P4HA3: variants seen among roughly 807,000 people sequenced by gnomAD.
P4HA3 encodes the protein prolyl 4-hydroxylase subunit alpha 3.
Under a neutral mutation model 66.7 loss-of-function variants are expected in P4HA3, and 60 were observed. The ratio of observed to expected loss-of-function variants is 0.90; its 90% CI spans 0.73 to 1.12. The LOEUF (loss-of-function observed/expected upper bound fraction) is 1.12. P4HA3 is among the 50% of genes most tolerant of loss of function. P4HA3 has a pLI of 0.00. For synonymous variants in P4HA3, 263 were observed against 274.6 expected (o/e 0.96, Z 0.42); for missense variants, 683 against 685.8 (o/e 1.00, Z 0.05).
In P4HA3 at chr11:74,267,265, A is replaced by T; in HGVS notation, c.1618T>A (p.Ser540Thr). 1 of 1,614,206 alleles carries T rather than the reference A, an allele frequency of 6.2e-7. No individual in the cohort carries two copies. Among genetic ancestry groups the T allele is most frequent in the South Asian group, 1.1e-5 (1 of 91,088 alleles). Residue 540 changes from serine to threonine, a missense_variant, in exon 13 of 13, where the codon TCC becomes ACC. Coordinates refer to ENST00000331597, the MANE Select transcript of P4HA3 (RefSeq NM_182904.5). ...CCAACAGTTCAGTCTTCAGGGCTGG[A>T]GCTGCAGGGTCTGCGGAATTCCTGT... ...YGQEFRRPCS[S>T]SPED
At chr11:74,306,195 G>C (rs977954914) in intron 1 of P4HA3, among the ~76,000 whole-genome samples, 2 of 152,144 alleles carry the variant, frequency 1.3e-5, no homozygotes, top group South Asian at 4.1e-4. Flanking sequence ...TAAGAGGTGG[G>C]ATCGTCCAGC....
At chr11:74,279,169 T>C (rs1355996203) in intron 8 of P4HA3, among the ~76,000 whole-genome samples, 2 of 152,202 alleles carry the variant, frequency 1.3e-5, no homozygotes, top group African/African-American at 4.8e-5. Context: ...CTCTTCCAAG[T>C]CTCTCTCGAA....
At chr11:74,262,490 G>C (rs1389064623), downstream of P4HA3, among the ~76,000 whole-genome samples, 2 of 152,212 alleles carry the variant, frequency 1.3e-5, no homozygotes, top group African/African-American at 4.8e-5. Flanking sequence ...AAAGAGGTTA[G>C]AAGCAGTTAG....
chr11:74,307,279 G>T (rs1861607885), intron 1 of P4HA3, among the ~76,000 whole-genome samples: 1 of 152,178 alleles, frequency 6.6e-6, no homozygotes. Flanking sequence ...TGAATAAACA[G>T]ATTCCTCATT....
chr11:74,252,463 T>C (rs1013635463), intron 15 of P4HA3: 5 of 456,090 alleles, frequency 1.1e-5, no homozygotes, highest in African/African-American at 8.0e-5. Context: ...AAGCTGGGAA[T>C]GGAATGGGTG....
intron 9 of P4HA3, 60 bp from the exon 10 acceptor site, chr11:74,273,667 G>A: frequency 7.4e-7 from 1 of 1,344,562 alleles, no homozygotes; most frequent in South Asian, 1.6e-5. Flanking sequence ...GGGACAGGCA[G>A]GATTCCACTA....
intron 4 of P4HA3, among the ~76,000 whole-genome samples, chr11:74,296,876 C>G (rs1861229699): frequency 6.6e-6 from 1 of 151,924 alleles, no homozygotes; most frequent in African/African-American, 2.4e-5. Flanking sequence ...CTTTAACACA[C>G]AGCAATTTAG....
intron 15 of P4HA3, among the ~76,000 whole-genome samples, chr11:74,257,780 G>A (rs376252295): frequency 5.9e-5 from 9 of 152,098 alleles, no homozygotes; most frequent in African/African-American, 2.2e-4. Context: ...CAGTAAAGAG[G>A]CAGTTGTAAT....
chr11:74,311,605 G>A lies in P4HA3; in HGVS notation c.7C>T (p.Pro3Ser). Residue 3 changes from proline to serine, a missense_variant, in exon 1 of 13, where the codon CCT (proline) becomes TCT (serine). Physicochemically the swap from Pro to Ser is moderately conservative, Grantham distance 74 (BLOSUM62 -1). Transcript: ENST00000331597. ...AGCAGCGCCGCCAGCCGCGCCCCAGGACCCATAGCCAGCGCTCGCGAACTT... is the reference window on the plus strand; with the variant it reads ...AGCAGCGCCGCCAGCCGCGCCCCAGAACCCATAGCCAGCGCTCGCGAACTT... MG[P>S]GARLAALLAV... 1 of 1,521,182 alleles carries A rather than the reference G, an allele frequency of 6.6e-7. No homozygotes were observed. Among genetic ancestry groups the A allele is most frequent in the Non-Finnish European group, 8.7e-7 (1 of 1,146,058 alleles). 94.2% of individuals were successfully genotyped at this position (1,521,182 alleles called of 1,614,324 possible).
intron 4 of P4HA3, among the ~76,000 whole-genome samples, chr11:74,294,261 C>T (rs1032906581): frequency 1.7e-4 from 25 of 151,450 alleles, no homozygotes; most frequent in Admixed American, 7.9e-4. Context: ...CTTCTGCATT[C>T]GTCACGTAGC....
chr11:74,250,206 G>A (rs1455764799), intron 15 of P4HA3: 2 of 152,132 alleles, frequency 1.3e-5, no homozygotes, highest in African/African-American at 4.8e-5. Flanking sequence ...AAAATCTGCT[G>A]TCTCTACTTA....
chr11:74,282,121 T>A (rs1860626249), intron 7 of P4HA3, among the ~76,000 whole-genome samples: 2 of 141,744 alleles, frequency 1.4e-5, no homozygotes, highest in South Asian at 2.3e-4. Flanking sequence ...TAGGGCAAAA[T>A]CAATGGTTTA....
rs1284257485 is a variant in P4HA3, at chr11:74,289,034, C to T, written c.769+45G>A. The T allele has an allele frequency of 2.0e-5, 28 of 1,403,230 alleles. No individual in the cohort carries two copies. In the East Asian group the frequency reaches 7.0e-4, roughly 35 times the overall value. The allele number at this position is 1,403,230 out of a possible 1,614,324, so 86.9% of individuals were successfully genotyped here. The stretch of plus-strand genomic sequence containing the variant: ...AGGCCAGGAGCAGAAGGGAGTTCCC[C>T]GTAAATCAGACCTGTGGCTGGCTTA... On this transcript the variant is annotated intron_variant, in intron 5 of 12. Coordinates refer to ENST00000331597, the MANE Select transcript of P4HA3 (RefSeq NM_182904.5).
intron 7 of P4HA3, among the ~76,000 whole-genome samples, chr11:74,283,401 A>G (rs529552766): frequency 9.8e-5 from 15 of 152,298 alleles, no homozygotes; most frequent in Non-Finnish European, 1.9e-4. Flanking sequence ...TATCTCAAAA[A>G]GCTTCTGTGC....
At chr11:74,258,873 A>T (rs1591079729) in intron 15 of P4HA3, among the ~76,000 whole-genome samples, 1 of 150,076 alleles carries the variant, frequency 6.7e-6, no homozygotes, top group East Asian at 1.9e-4. Context: ...GTATAGTAAA[A>T]GCTGCTGCCT....
chr11:74,281,126 C>T (rs548143018), intron 7 of P4HA3, among the ~76,000 whole-genome samples: 7 of 152,308 alleles, frequency 4.6e-5, no homozygotes, highest in Non-Finnish European at 7.3e-5. Context: ...TGAAAAAATG[C>T]TCACCATTAC....
At chr11:74,277,259 G>A in intron 8 of P4HA3, 115 bp from the exon 9 acceptor site, 1 of 1,324,672 alleles carries the variant, frequency 7.5e-7, no homozygotes, top group Non-Finnish European at 1.0e-6. Context: ...AGGAAGGATG[G>A]AAGGAAGGAG....
intron 1 of P4HA3, among the ~76,000 whole-genome samples, chr11:74,310,026 GTAT>G (rs1239298132): frequency 4.6e-5 from 7 of 152,244 alleles, no homozygotes; most frequent in East Asian, 1.9e-4. Context: ...CCCAGAATCA[GTAT>G]TATTACCACA....
intron 1 of P4HA3, among the ~76,000 whole-genome samples, chr11:74,309,667 G>A (rs1861671193): frequency 6.6e-6 from 1 of 152,082 alleles, no homozygotes; most frequent in Non-Finnish European, 1.5e-5. Context: ...GGTCAACATG[G>A]ACCCATAGAA....
Sources: gnomAD v4.1 joint callset for allele counts (sites outside exome capture counted in the v4.1 genomes callset) on GRCh38, gnomAD v4.1.1 for gene constraint, MANE v1.5 for transcripts, NCBI Gene and HGNC (gene_info 2026-07-23, HGNC 2026-07-21) for gene names.